The following BDP1 variants were observed in gnomAD, a reference collection of about 807,000 sequenced individuals.
BDP1 encodes transcription factor TFIIIB component B'' homolog.
BDP1 carries 169 observed loss-of-function variants against 266.6 expected under a neutral mutation model. The observed-to-expected ratio is 0.63, with a 90% confidence interval of 0.56 to 0.72. The LOEUF is 0.72. Among genes scored for constraint, BDP1 ranks in the 30% least tolerant of loss-of-function variants. BDP1 has a pLI of 0.00. For synonymous variants in BDP1, 1,090 were observed against 1,022.4 expected (o/e 1.07, Z -1.26); for missense variants, 3,015 against 3,053.8 (o/e 0.99, Z 0.30).
At chr5:71,477,405 T>C (rs1762657798) in intron 7 of BDP1, among the ~76,000 whole-genome samples, 1 of 152,122 alleles carries the variant, frequency 6.6e-6, no homozygotes, top group African/African-American at 2.4e-5. Flanking sequence ...TGCTTCAGCC[T>C]CTCAAAGTGC....
At chr5:71,519,276 A>T (rs945214415) in intron 22 of BDP1, among the ~76,000 whole-genome samples, 1 of 141,958 alleles carries the variant, frequency 7.0e-6, no homozygotes, top group Non-Finnish European at 1.6e-5. Context: ...AGATCAGAGT[A>T]ACTGGGATAT....
At chr5:71,521,443 C>T (rs1370122708) in intron 22 of BDP1, among the ~76,000 whole-genome samples, 1 of 151,602 alleles carries the variant, frequency 6.6e-6, no homozygotes, top group Non-Finnish European at 1.5e-5. Flanking sequence ...CAGGCATGCA[C>T]GACCATGCCC....
chr5:71,513,589 A>G (rs946923719), intron 19 of BDP1, among the ~76,000 whole-genome samples, 182 bp downstream of exon 19: 8 of 152,186 alleles, frequency 5.3e-5, no homozygotes, highest in African/African-American at 1.9e-4. Context: ...TAAGAATCTC[A>G]GATATCTGAT....
intron 13 of BDP1, among the ~76,000 whole-genome samples, chr5:71,497,707 A>G (rs1015925588): frequency 3.3e-5 from 5 of 152,288 alleles, no homozygotes; most frequent in African/African-American, 7.2e-5. Context: ...TAAACCAGCT[A>G]TATATTAAAT....
Position 71,565,966 on chromosome 5 carries a change from C to G in BDP1, c.*1081C>G, listed in dbSNP as rs993164496. The G allele has an allele frequency of 6.6e-5, 13 of 198,020 alleles. No individual in the cohort carries two copies. The highest frequency in any genetic ancestry group is 3.1e-4 in the African/African-American group (13 of 41,664). 12.3% of individuals were successfully genotyped at this position (198,020 alleles called of 1,614,324 possible). ...GATATTCAGTTTTAGCTATTTTTACCCCTCAGATTGTAGATAAAGAAGGCA... is the reference window on the plus strand; with the variant it reads ...GATATTCAGTTTTAGCTATTTTTACGCCTCAGATTGTAGATAAAGAAGGCA... On this transcript the variant is annotated 3_prime_UTR_variant, in exon 39 of 39. Coordinates refer to ENST00000358731, the MANE Select transcript of BDP1 (RefSeq NM_018429.3).
intron 32 of BDP1, 58 bp from the exon 33 acceptor site, chr5:71,548,624 A>G (rs888422405): frequency 5.7e-6 from 6 of 1,053,508 alleles, no homozygotes; most frequent in Non-Finnish European, 8.9e-6. Flanking sequence ...GACAGGAATA[A>G]CTTTTTAAAT....
At chr5:71,562,908 A>G in intron 38 of BDP1, 1 of 1,278,632 alleles carries the variant, frequency 7.8e-7, no homozygotes, top group Non-Finnish European at 1.0e-6. Context: ...AAGTATTGGG[A>G]TGGAAAACTC....
intron 11 of BDP1, among the ~76,000 whole-genome samples, chr5:71,493,709 C>A (rs865973408): frequency 6.6e-6 from 1 of 152,152 alleles, no homozygotes; most frequent in African/African-American, 2.4e-5. Context: ...GACTAATTTT[C>A]GAGCTAGAGT....
chr5:71,513,375 A>C lies in BDP1; in HGVS notation c.4438A>C (p.Asn1480His), dbSNP rs754882364. Residue 1480 changes from asparagine to histidine, a missense_variant, in exon 19 of 39, where the codon AAT becomes CAT. Around this residue, in one of 3 missense-constraint regions of BDP1, gnomAD observed 2,383 missense variants for 2,404.9 expected, o/e 0.99. Transcript: ENST00000358731. The stretch of plus-strand genomic sequence containing the variant: ...GGAGACTATTGTGATGCAAGAAAAT[A>C]ATGAACAAACTGATACTCTCCCTTC... ...KMETIVMQENNEQTDTLPSQH... is the reference protein window; with the variant it reads ...KMETIVMQENHEQTDTLPSQH... 1.9e-6 allele frequency: 3 copies of C among 1,595,330 alleles called. No homozygotes were observed. The highest frequency in any genetic ancestry group is 2.6e-6 in the Non-Finnish European group (3 of 1,170,952).
chr5:71,497,708 T>C (rs1214763778), intron 13 of BDP1, among the ~76,000 whole-genome samples: 3 of 152,228 alleles, frequency 2.0e-5, no homozygotes, highest in African/African-American at 7.2e-5. Flanking sequence ...AAACCAGCTA[T>C]ATATTAAATT....
chr5:71,491,195 G>GT, intron 11 of BDP1, 64 bp downstream of exon 11: 2 of 1,461,208 alleles, frequency 1.4e-6, no homozygotes. Flanking sequence ...GAGTGTTGAA[G>GT]TCTCCATCTG....
At chr5:71,537,154 A>AACC (rs1231504648) in intron 26 of BDP1, among the ~76,000 whole-genome samples, 1 of 149,896 alleles carries the variant, frequency 6.7e-6, no homozygotes, top group African/African-American at 2.4e-5. Flanking sequence ...AAAACCAAAA[A>AACC]AAAAAAAAAA....
At chr5:71,537,960 A>G (rs1766738158) in intron 26 of BDP1, 1 of 152,324 alleles carries the variant, frequency 6.6e-6, no homozygotes, top group African/African-American at 2.4e-5. Context: ...ATCATTAAGT[A>G]TGATGTTACC....
intron 32 of BDP1, 27 bp downstream of exon 32, chr5:71,545,246 G>A: frequency 3.2e-6 from 5 of 1,578,460 alleles, no homozygotes; most frequent in Non-Finnish European, 4.3e-6. Context: ...TATAATAAGG[G>A]ATAGCAAGGT....
At chr5:71,563,008 T>C (rs1299300907) in intron 38 of BDP1, 2 of 681,808 alleles carry the variant, frequency 2.9e-6, no homozygotes, top group African/African-American at 3.8e-5. Context: ...TTGAACAGCA[T>C]GAGCCTTTGG....
Position 71,563,143 on chromosome 5 carries a change from T to C in BDP1, c.7743+623T>C, listed in dbSNP as rs537355433. On this transcript the variant is annotated intron_variant, in intron 38 of 38. Transcript: ENST00000358731. ...CATTGCCAAAGTCGTGGGTTTTGTT[T>C]TTTTTGTGTGTTTGTTTTGAGACAG... Among the ~76,000 whole-genome samples, 146 of 152,332 alleles carry C rather than the reference T, an allele frequency of 9.6e-4. 3 individuals carry two copies. Among genetic ancestry groups the C allele is most frequent in the African/African-American group, 2.9e-3 (120 of 41,574 alleles).
intron 14 of BDP1, 108 bp from the exon 15 acceptor site, chr5:71,502,491 G>A: frequency 9.4e-7 from 1 of 1,066,580 alleles, no homozygotes; most frequent in African/African-American, 1.6e-5. Context: ...GTCTTTTCAG[G>A]AAACTTGTGA....
intron 5 of BDP1, among the ~76,000 whole-genome samples, chr5:71,466,575 A>G (rs955800533): frequency 7.9e-5 from 12 of 152,176 alleles, no homozygotes; most frequent in African/African-American, 2.9e-4. Context: ...TTCTCATATT[A>G]TTAAGAGCAT....
At chr5:71,538,084 A>G (rs1329127225) in intron 26 of BDP1, among the ~76,000 whole-genome samples, 2 of 152,124 alleles carry the variant, frequency 1.3e-5, no homozygotes, top group Non-Finnish European at 2.9e-5. Flanking sequence ...CTTTTTCTGC[A>G]TTTATGGAGA....
Sources: gnomAD v4.1 joint callset for allele counts (sites outside exome capture counted in the v4.1 genomes callset) on GRCh38, gnomAD v4.1.1 for gene constraint, gnomAD v4.1.1 regional missense constraint, MANE v1.5 for transcripts, NCBI Gene and HGNC (gene_info 2026-07-23, HGNC 2026-07-21) for gene names.